TMEM71: variants seen among roughly 807,000 people sequenced by gnomAD.
The protein encoded by TMEM71 is transmembrane protein 71.
Under a neutral mutation model 38.0 loss-of-function variants are expected in TMEM71, and 44 were observed. The observed-to-expected ratio is 1.16, with a 90% CI of 0.91 to 1.49. The LOEUF is 1.49. TMEM71 is among the 40% of genes most tolerant of loss of function. The probability of loss-of-function intolerance (pLI) is 0.00; values close to 1 mark genes in which losing one functional copy is unlikely to be tolerated. For synonymous variants in TMEM71, 133 were observed against 122.5 expected, an observed-to-expected ratio of 1.09 and a Z score of -0.56; for missense variants, 367 against 348.6, an observed-to-expected ratio of 1.05 and a Z score of -0.42.
intron 7 of TMEM71, among the ~76,000 whole-genome samples, chr8:132,721,452 T>C (rs959122726): frequency 9.2e-5 from 14 of 152,140 alleles, no homozygotes; most frequent in African/African-American, 3.1e-4. Flanking sequence ...GAGCCACTTC[T>C]CTTTGGAGAA....
At chr8:132,755,414 T>G (rs993921935) in intron 3 of TMEM71, among the ~76,000 whole-genome samples, 3 of 152,318 alleles carry the variant, frequency 2.0e-5, no homozygotes, top group East Asian at 1.9e-4. Context: ...GATTCGTTTT[T>G]AGCAGGTCCT....
chr8:132,770,525 AT>A, the TMEM71 span, among the ~76,000 whole-genome samples: 1 of 152,150 alleles, frequency 6.6e-6, no homozygotes, highest in East Asian at 1.9e-4. Context: ...GACTCCTAGT[AT>A]TTGTTTTTAC....
At chr8:132,713,371 G>T (rs979279584) in intron 9 of TMEM71, among the ~76,000 whole-genome samples, 1 of 151,980 alleles carries the variant, frequency 6.6e-6, no homozygotes, top group Admixed American at 6.6e-5. Flanking sequence ...CAGAATTAGC[G>T]CAGATTTTGT....
intron 4 of TMEM71, among the ~76,000 whole-genome samples, chr8:132,747,974 G>A (rs1296201528): frequency 5.9e-5 from 9 of 152,204 alleles, no homozygotes. Flanking sequence ...TGGCTCAGAG[G>A]TACAAGATTG....
chr8:132,707,137 C>T (rs557966156), downstream of TMEM71, among the ~76,000 whole-genome samples: 5 of 152,254 alleles, frequency 3.3e-5, no homozygotes, highest in East Asian at 9.6e-4. Flanking sequence ...AGAACTTATG[C>T]ATTCAAAGAG....
At chr8:132,717,401 A>G (rs1346432205) in intron 7 of TMEM71, among the ~76,000 whole-genome samples, 1 of 152,232 alleles carries the variant, frequency 6.6e-6, no homozygotes, top group Admixed American at 6.5e-5. Flanking sequence ...CAAAAAGCAA[A>G]CAGCCTGGTT....
intron 6 of TMEM71, among the ~76,000 whole-genome samples, chr8:132,723,267 T>C (rs754378851): frequency 6.6e-5 from 10 of 152,224 alleles, no homozygotes; most frequent in Non-Finnish European, 1.2e-4. Context: ...GTGTTTCTAT[T>C]CTTAGCCTCC....
the TMEM71 span, among the ~76,000 whole-genome samples, chr8:132,766,403 G>A: frequency 6.6e-6 from 1 of 151,626 alleles, no homozygotes; most frequent in South Asian, 2.1e-4. Flanking sequence ...GAAGTACATG[G>A]GGGGCGGGGG....
chr8:132,758,090 T>C (rs1829132646), intron 2 of TMEM71: 1 of 152,150 alleles, frequency 6.6e-6, no homozygotes, highest in South Asian at 2.1e-4. Context: ...GGGGAAGAAA[T>C]AAAGTTTTGT....
At chr8:132,716,741 G>A (rs573153190) in intron 7 of TMEM71, among the ~76,000 whole-genome samples, 1 of 152,196 alleles carries the variant, frequency 6.6e-6, no homozygotes, top group East Asian at 1.9e-4. Context: ...TTATAGTTAT[G>A]AATAATTTAT....
At chr8:132,759,640 A>G (rs1829222224) in intron 1 of TMEM71, among the ~76,000 whole-genome samples, 1 of 152,204 alleles carries the variant, frequency 6.6e-6, no homozygotes, top group African/African-American at 2.4e-5. Flanking sequence ...GAAACTTTGT[A>G]TATAGTATCA....
chr8:132,751,831 G>T lies in TMEM71; in HGVS notation c.268C>A (p.Leu90Met). The T allele has an allele frequency of 1.1e-5, 18 of 1,613,934 alleles. No homozygotes were observed. The highest frequency in any genetic ancestry group is 1.5e-5 in the Non-Finnish European group (18 of 1,180,032). ...FLCDKDGNIT[L>M]NPSQTSVMYK... ...ATAACGCTGGTCTGGGATGGGTTCAGAGTTATGTTGCCATCTTTGTCGCAC... is the reference window on the plus strand; with the variant it reads ...ATAACGCTGGTCTGGGATGGGTTCATAGTTATGTTGCCATCTTTGTCGCAC... Residue 90 changes from leucine (L) to methionine (M), a missense_variant, in exon 4 of 10, where the codon CTG becomes ATG. By Grantham distance (15) the Leu-to-Met change is conservative. Coordinates refer to ENST00000677595, the MANE Select transcript of TMEM71 (RefSeq NM_001382403.1).
intron 5 of TMEM71, among the ~76,000 whole-genome samples, chr8:132,735,906 C>T (rs780324980): frequency 5.3e-5 from 8 of 152,046 alleles, no homozygotes; most frequent in Non-Finnish European, 8.8e-5. Context: ...ATAACAGTCA[C>T]GTAAATGCCC....
chr8:132,711,992 A>G (rs1408457012), intron 9 of TMEM71, among the ~76,000 whole-genome samples: 1 of 152,142 alleles, frequency 6.6e-6, no homozygotes, highest in African/African-American at 2.4e-5. Context: ...ATGTTTATAT[A>G]AGAAGGAGAG....
At chr8:132,730,418 A>G (rs1356974762) in intron 5 of TMEM71, among the ~76,000 whole-genome samples, 2 of 152,228 alleles carry the variant, frequency 1.3e-5, no homozygotes, top group Non-Finnish European at 2.9e-5. Context: ...CCCAAAGGAC[A>G]TGAGCTCACA....
chr8:132,753,399 A>G (rs572930810), intron 3 of TMEM71, among the ~76,000 whole-genome samples: 17 of 152,282 alleles, frequency 1.1e-4, no homozygotes, highest in Admixed American at 1.0e-3. Context: ...ATTTCTACAT[A>G]TTATGTATTC....
chr8:132,775,984 C>G, the TMEM71 span, among the ~76,000 whole-genome samples: 2 of 152,262 alleles, frequency 1.3e-5, no homozygotes, highest in South Asian at 4.1e-4. Flanking sequence ...TTTACATTGT[C>G]GGTCTCTATG....
intron 4 of TMEM71, among the ~76,000 whole-genome samples, chr8:132,749,786 C>G (rs903354296): frequency 1.3e-5 from 2 of 151,988 alleles, no homozygotes; most frequent in Non-Finnish European, 2.9e-5. Context: ...GAGTTTGAGG[C>G]GGGCGGATCA....
intron 4 of TMEM71, among the ~76,000 whole-genome samples, chr8:132,750,617 AT>A (rs1828654416): frequency 6.6e-6 from 1 of 152,198 alleles, no homozygotes; most frequent in Admixed American, 6.5e-5. Flanking sequence ...ATTTTATATC[AT>A]TAAGATTTGA....
Sources: gnomAD v4.1 joint callset for allele counts (sites outside exome capture counted in the v4.1 genomes callset) on GRCh38, gnomAD v4.1.1 for gene constraint, MANE v1.5 for transcripts, NCBI Gene and HGNC (gene_info 2026-07-23, HGNC 2026-07-21) for gene names.